MARCHF6: variants seen among roughly 807,000 people sequenced by gnomAD.
The protein encoded by MARCHF6 is membrane associated ring-CH-type finger 6, also known as E3 ubiquitin-protein ligase MARCHF6.
MARCHF6 carries 31 observed loss-of-function variants against 133.7 expected under a neutral mutation model. The ratio of observed to expected loss-of-function variants is 0.23; its 90% CI spans 0.17 to 0.31. The LOEUF is 0.31. MARCHF6 is among the 10% of genes least tolerant of loss of function. The pLI is 1.00. For missense variants in MARCHF6, 723 were observed against 1,121.6 expected, an observed-to-expected ratio of 0.64 and a Z score of 5.08; for synonymous variants, 395 against 402.5, an observed-to-expected ratio of 0.98 and a Z score of 0.22.
intron 25 of MARCHF6, among the ~76,000 whole-genome samples, chr5:10,431,161 A>G (rs887838457): frequency 6.6e-6 from 1 of 152,228 alleles, no homozygotes; most frequent in Non-Finnish European, 1.5e-5. Context: ...GACTTCTCCA[A>G]AGCATTTACT....
intron 20 of MARCHF6, among the ~76,000 whole-genome samples, chr5:10,415,092 A>G (rs547182375): frequency 1.1e-3 from 161 of 152,378 alleles, no homozygotes; most frequent in African/African-American, 2.9e-3. Context: ...ATGTTTCTAC[A>G]TATTAAAAGT....
At chr5:10,363,436 A>G (rs997267413) in intron 1 of MARCHF6, among the ~76,000 whole-genome samples, 1 of 152,252 alleles carries the variant, frequency 6.6e-6, no homozygotes, top group African/African-American at 2.4e-5. Context: ...AGTCAAAACC[A>G]TAATGAGACA....
intron 1 of MARCHF6, among the ~76,000 whole-genome samples, chr5:10,358,144 A>G (rs920859241): frequency 1.3e-5 from 2 of 152,184 alleles, no homozygotes; most frequent in African/African-American, 4.8e-5. Flanking sequence ...AGAGCATTCC[A>G]GGCAGAGGGA....
intron 1 of MARCHF6, among the ~76,000 whole-genome samples, chr5:10,370,463 A>G (rs1028676187): frequency 4.6e-5 from 7 of 152,146 alleles, no homozygotes; most frequent in Non-Finnish European, 8.8e-5. Context: ...AAATTTACTT[A>G]TTTTAACTAT....
rs1735261852 is a variant in MARCHF6, at chr5:10,353,922, G to C, written c.19+5G>C. 6.4e-7 allele frequency: 1 copy of C among 1,557,562 alleles called. No homozygotes were observed. The highest frequency in any genetic ancestry group is 8.6e-7 in the Non-Finnish European group (1 of 1,156,590). ...AGATGGACACCGCGGAGGAAGGTAAGTCGGCGACGCGCGGCGCCCGAGCCC... is the reference window on the plus strand; with the variant it reads ...AGATGGACACCGCGGAGGAAGGTAACTCGGCGACGCGCGGCGCCCGAGCCC... On this transcript the variant is annotated splice_donor_5th_base_variant and intron_variant, in intron 1 of 25. Transcript: ENST00000274140.
chr5:10,362,945 A>G (rs1334816166), intron 1 of MARCHF6, among the ~76,000 whole-genome samples: 1 of 152,162 alleles, frequency 6.6e-6, no homozygotes, highest in Non-Finnish European at 1.5e-5. Flanking sequence ...AATATAAAGG[A>G]TATCGTTTTT....
chr5:10,373,767 T>C (rs1736599948), intron 1 of MARCHF6, among the ~76,000 whole-genome samples: 1 of 152,308 alleles, frequency 6.6e-6, no homozygotes, highest in Middle Eastern at 3.4e-3. Flanking sequence ...ACCCTATGCC[T>C]GAGATCTGTA....
At chr5:10,375,368 C>A (rs1441778907) in intron 1 of MARCHF6, among the ~76,000 whole-genome samples, 2 of 152,270 alleles carry the variant, frequency 1.3e-5, no homozygotes, top group Non-Finnish European at 2.9e-5. Context: ...TGCTCGATTT[C>A]TTGCCGGGCC....
intron 1 of MARCHF6, among the ~76,000 whole-genome samples, chr5:10,371,219 G>C (rs1736443319): frequency 6.6e-6 from 1 of 152,172 alleles, no homozygotes; most frequent in South Asian, 2.1e-4. Context: ...TGTGGCCTTA[G>C]ATGTGTTATA....
chr5:10,418,565 T>C (rs990313728), intron 22 of MARCHF6, among the ~76,000 whole-genome samples: 1 of 152,222 alleles, frequency 6.6e-6, no homozygotes. Flanking sequence ...AGGTATTGAC[T>C]TCAGTCATTC....
At chr5:10,420,174 G>A (rs1196194112) in intron 22 of MARCHF6, among the ~76,000 whole-genome samples, 2 of 152,164 alleles carry the variant, frequency 1.3e-5, no homozygotes, top group Admixed American at 1.3e-4. Context: ...GGAAATGAGT[G>A]ACCCCACAAA....
Position 10,391,624 on chromosome 5 carries a change from A to G in MARCHF6, c.659A>G (p.Glu220Gly), listed in dbSNP as rs763412774. 5.6e-5 allele frequency: 90 copies of G among 1,612,014 alleles called. No individual in the cohort carries two copies. Among genetic ancestry groups the G allele is most frequent in the Non-Finnish European group, 7.5e-5 (88 of 1,179,280 alleles). ...CCAGCTGAGAACGCAGTGGTGGGGG[A>G]AAACCCTGATGCCCAGGATGACCAG... ...NPPAENAVVGENPDAQDDQAE... is the reference protein window; with the variant it reads ...NPPAENAVVGGNPDAQDDQAE... The change falls in exon 7 of 26, where the codon GAA (glutamate) becomes GGA (glycine). Residue 220 changes from glutamate (E) to glycine (G), a missense_variant. By Grantham distance (98) the Glu-to-Gly change is moderately conservative. Transcript: ENST00000274140.
At chr5:10,410,402 A>G in intron 18 of MARCHF6, 126 bp downstream of exon 18, 1 of 1,130,246 alleles carries the variant, frequency 8.8e-7, no homozygotes, top group East Asian at 2.6e-5. Context: ...CAATTTAGTA[A>G]TATTTGCAAT....
At position 10,394,128 on chromosome 5, in the gene MARCHF6, G is replaced by A; in HGVS notation, c.813G>A (p.Glu271=). The A allele has an allele frequency of 6.4e-7, 1 of 1,566,646 alleles. No homozygotes were observed. The highest frequency in any genetic ancestry group is 8.7e-7 in the Non-Finnish European group (1 of 1,154,314). ...NALEWDRAAE[E]LTWERMLGLD... ...TAGAATGGGACCGAGCTGCTGAAGA[G>A]CTTACATGGGAAAGAGTAAGACCTT... Residue 271 remains glutamate, a synonymous_variant, in exon 8 of 26, where the codon GAG becomes GAA. Transcript: ENST00000274140.
chr5:10,415,379 T>A (rs1739448161), intron 20 of MARCHF6, 109 bp from the exon 21 acceptor site: 1 of 984,956 alleles, frequency 1.0e-6, no homozygotes, highest in Admixed American at 2.2e-5. Context: ...CATTGATATA[T>A]CGAATGTGAT....
intron 5 of MARCHF6, among the ~76,000 whole-genome samples, chr5:10,387,378 C>T (rs989604563): frequency 1.3e-5 from 2 of 151,536 alleles, no homozygotes; most frequent in African/African-American, 4.9e-5. Flanking sequence ...TCTCGGCTCA[C>T]TGCAACCTCC....
Position 10,377,739 on chromosome 5 carries a change from C to T in MARCHF6, c.20-59C>T, listed in dbSNP as rs1356853877. ...CCAATATTTTGGTTTATGCTTGTTTCTTGCTTTTTTAAAAAAGTTATAACC... is the reference window on the plus strand; with the variant it reads ...CCAATATTTTGGTTTATGCTTGTTTTTTGCTTTTTTAAAAAAGTTATAACC... On this transcript the variant is annotated intron_variant, in intron 1 of 25. Coordinates refer to ENST00000274140, the MANE Select transcript of MARCHF6 (RefSeq NM_005885.4). 5.6e-6 allele frequency: 7 copies of T among 1,249,032 alleles called. No individual in the cohort carries two copies. The African/African-American group carries it at 1.0e-4, about 18-fold the overall frequency. The allele number at this position is 1,249,032 out of a possible 1,614,324, so 77.4% of individuals were successfully genotyped here.
At chr5:10,428,174 C>T (rs1435772953) in intron 24 of MARCHF6, among the ~76,000 whole-genome samples, 1 of 152,146 alleles carries the variant, frequency 6.6e-6, no homozygotes, top group Non-Finnish European at 1.5e-5. Flanking sequence ...TGAGGGCCCA[C>T]AGTGTGCAAA....
intron 4 of MARCHF6, among the ~76,000 whole-genome samples, chr5:10,384,275 A>G (rs549611290): frequency 1.3e-5 from 2 of 152,296 alleles, no homozygotes; most frequent in East Asian, 3.9e-4. Context: ...ACTTCTCTTC[A>G]TCCTTAGACA....
Sources: allele counts gnomAD v4.1 joint callset (sites outside exome capture counted in the v4.1 genomes callset), GRCh38; gene constraint gnomAD v4.1.1; transcripts MANE v1.5; gene names NCBI Gene and HGNC (gene_info 2026-07-23, HGNC 2026-07-21).